Variants in CLRN1 observed in about 807,000 individuals in gnomAD.
CLRN1 encodes the protein clarin 1.
Under a neutral mutation model 18.7 loss-of-function variants are expected in CLRN1, and 15 were observed. The observed-to-expected ratio is 0.80, with a 90% CI of 0.54 to 1.23. CLRN1 has a LOEUF of 1.23. Ranked by LOEUF, CLRN1 falls within the 50% of genes most tolerant of loss-of-function variation. The pLI, the probability that CLRN1 is intolerant of heterozygous loss-of-function variation, is 0.00. For synonymous variants in CLRN1, 104 were observed against 102.9 expected, an observed-to-expected ratio of 1.01 and a Z score of -0.07; for missense variants, 311 against 277.5, an observed-to-expected ratio of 1.12 and a Z score of -0.86.
intron 1 of CLRN1, among the ~76,000 whole-genome samples, chr3:150,971,746 A>T (rs1715548799): frequency 6.6e-6 from 1 of 152,208 alleles, no homozygotes; most frequent in Non-Finnish European, 1.5e-5. Context: ...GGTAATTTTT[A>T]AAAATTCTCT....
At chr3:150,943,323 A>G (rs1188462337) in intron 1 of CLRN1, among the ~76,000 whole-genome samples, 2 of 152,138 alleles carry the variant, frequency 1.3e-5, no homozygotes, top group Non-Finnish European at 2.9e-5. Flanking sequence ...TACCAATAGA[A>G]TGTTGCCTTT....
chr3:150,956,728 G>A (rs1714753720), intron 1 of CLRN1, among the ~76,000 whole-genome samples: 1 of 152,098 alleles, frequency 6.6e-6, no homozygotes, highest in African/African-American at 2.4e-5. Context: ...TTGCCTCCCT[G>A]CCCTTACTCT....
chr3:150,972,862 T>A, upstream of CLRN1: 2 of 998,938 alleles, frequency 2.0e-6, no homozygotes, highest in African/African-American at 1.6e-5. Context: ...CTCGCCAGGT[T>A]AAATGTCAGT....
Position 150,926,867 on chromosome 3 carries a change from A to G in CLRN1, c.*1069T>C. On this transcript the variant is annotated 3_prime_UTR_variant, in exon 3 of 3. Transcript: ENST00000327047. ...AGTTCCAGGCTCAGCTGTGGCCTTT[A>G]GTCAGCTGCAGATCAATTTGATGGG... 1 of 1,614,128 alleles carries G rather than the reference A, an allele frequency of 6.2e-7. No individual in the cohort carries two copies. The highest frequency in any genetic ancestry group is 1.1e-5 in the South Asian group (1 of 91,074).
chr3:150,965,509 G>T (rs1715221360), intron 1 of CLRN1, among the ~76,000 whole-genome samples: 2 of 152,106 alleles, frequency 1.3e-5, no homozygotes, highest in Admixed American at 1.3e-4. Flanking sequence ...TCTTTTGCCA[G>T]TGGCAGAGAC....
rs1350232671 is a variant in CLRN1, at chr3:150,926,684, C to T, written c.*1252G>A. On this transcript the variant is annotated 3_prime_UTR_variant, in exon 3 of 3. Transcript: ENST00000327047. ...CCTTGTAAATAGTTCCAAAGGGAAA[C>T]AGTGTTTTATTTTAAGGAGTACTTT... 1 of 1,083,526 alleles carries T rather than the reference C, an allele frequency of 9.2e-7. No individual in the cohort carries two copies. The allele number at this position is 1,083,526 out of a possible 1,614,324, so 67.1% of individuals were successfully genotyped here. A position where few individuals can be genotyped will look rare whatever the true frequency, so the allele number is the denominator to read the frequency against.
At chr3:150,962,127 G>A (rs1442100995) in intron 1 of CLRN1, among the ~76,000 whole-genome samples, 1 of 152,130 alleles carries the variant, frequency 6.6e-6, no homozygotes, top group Non-Finnish European at 1.5e-5. Flanking sequence ...CTGATAACAG[G>A]ACCCATTTAA....
chr3:150,943,004 C>T (rs1414617126), intron 1 of CLRN1, among the ~76,000 whole-genome samples: 1 of 152,136 alleles, frequency 6.6e-6, no homozygotes, highest in Non-Finnish European at 1.5e-5. Context: ...AAGAAGCTGT[C>T]CTGGATGTCA....
chr3:150,959,958 G>A (rs1188812927), intron 1 of CLRN1, among the ~76,000 whole-genome samples: 1 of 152,128 alleles, frequency 6.6e-6, no homozygotes, highest in African/African-American at 2.4e-5. Context: ...GGAGTCTCAG[G>A]CAGTTGGAAT....
chr3:150,965,569 T>A (rs1412892557), intron 1 of CLRN1, among the ~76,000 whole-genome samples: 1 of 152,130 alleles, frequency 6.6e-6, no homozygotes, highest in Non-Finnish European at 1.5e-5. Flanking sequence ...TTGGGGAAGA[T>A]GAGTCACCTT....
chr3:150,958,348 T>C (rs1714855249), intron 1 of CLRN1, among the ~76,000 whole-genome samples: 1 of 152,228 alleles, frequency 6.6e-6, no homozygotes, highest in African/African-American at 2.4e-5. Context: ...TCCCCAAATA[T>C]TGGAGGAGCC....
At chr3:150,937,145 A>AAAGGC (rs1713538872) in intron 2 of CLRN1, among the ~76,000 whole-genome samples, 1 of 152,166 alleles carries the variant, frequency 6.6e-6, no homozygotes, top group Non-Finnish European at 1.5e-5. Context: ...ATGTCTGGTG[A>AAAGGC]AAGGCAATAC....
At chr3:150,966,185 A>G (rs1034610795) in intron 1 of CLRN1, among the ~76,000 whole-genome samples, 3 of 152,184 alleles carry the variant, frequency 2.0e-5, no homozygotes, top group Admixed American at 2.0e-4. Flanking sequence ...GTAGTGGCAC[A>G]TGCCTGTGGT....
chr3:150,966,293 G>A (rs1366513238), intron 1 of CLRN1, among the ~76,000 whole-genome samples: 3 of 152,190 alleles, frequency 2.0e-5, no homozygotes, highest in African/African-American at 4.8e-5. Context: ...CAGGCTGGAC[G>A]ACAGAGTGAG....
At chr3:150,934,077 A>G (rs1015883532) in intron 2 of CLRN1, among the ~76,000 whole-genome samples, 1 of 152,154 alleles carries the variant, frequency 6.6e-6, no homozygotes, top group Non-Finnish European at 1.5e-5. Flanking sequence ...CAGCTCCTTC[A>G]TAAGGATTGG....
chr3:150,957,419 A>G (rs1022034832), intron 1 of CLRN1, among the ~76,000 whole-genome samples: 1 of 151,960 alleles, frequency 6.6e-6, no homozygotes, highest in African/African-American at 2.4e-5. Flanking sequence ...CCACCACTTC[A>G]TCAAGACTGC....
At chr3:150,969,871 G>C (rs1481142897) in intron 1 of CLRN1, among the ~76,000 whole-genome samples, 1 of 152,114 alleles carries the variant, frequency 6.6e-6, no homozygotes, top group Non-Finnish European at 1.5e-5. Flanking sequence ...AGCTACTTGG[G>C]AGGCTGAGGC....
chr3:150,960,688 A>T (rs993058227), intron 1 of CLRN1, among the ~76,000 whole-genome samples: 2 of 152,228 alleles, frequency 1.3e-5, no homozygotes, highest in African/African-American at 4.8e-5. Flanking sequence ...CTTTGGACTG[A>T]TAACACACCT....
At chr3:150,949,772 A>G (rs1016803756) in intron 1 of CLRN1, among the ~76,000 whole-genome samples, 28 of 152,330 alleles carry the variant, frequency 1.8e-4, no homozygotes, top group African/African-American at 6.0e-4. Context: ...TTCCTATCAA[A>G]TTACCAACGA....
Sources: allele counts gnomAD v4.1 joint callset (sites outside exome capture counted in the v4.1 genomes callset), GRCh38; gene constraint gnomAD v4.1.1; transcripts MANE v1.5; gene names NCBI Gene and HGNC (gene_info 2026-07-23, HGNC 2026-07-21).